Variants in TMEM132D observed in about 807,000 individuals in gnomAD.
TMEM132D encodes the protein mature OL transmembrane protein.
TMEM132D carries 21 observed loss-of-function variants against 62.3 expected under a neutral mutation model. The ratio of observed to expected loss-of-function variants is 0.34; its 90% CI spans 0.24 to 0.49. The LOEUF is 0.49. TMEM132D is among the 20% of genes least tolerant of loss of function. TMEM132D has a pLI of 0.99. For missense variants in TMEM132D, 1,346 were observed against 1,402.8 expected (o/e 0.96, Z 0.65); for synonymous variants, 621 against 575.6 (o/e 1.08, Z -1.13).
chr12:129,427,917 TTA>T (rs34092175), intron 3 of TMEM132D, among the ~76,000 whole-genome samples: 27,035 of 152,088 alleles, frequency 0.18, 2,881 homozygotes, highest in African/African-American at 0.29. Context: ...CCGAAACACC[TTA>T]TCTTATCTTA....
intron 1 of TMEM132D, among the ~76,000 whole-genome samples, chr12:129,742,669 C>A (rs1243319285): frequency 3.3e-5 from 5 of 152,208 alleles, no homozygotes; most frequent in Non-Finnish European, 7.3e-5. Flanking sequence ...ACTCACAACA[C>A]AAACACTGTG....
chr12:129,076,445 C>T (rs1803808667), intron 8 of TMEM132D, among the ~76,000 whole-genome samples: 1 of 152,108 alleles, frequency 6.6e-6, no homozygotes, highest in African/African-American at 2.4e-5. Flanking sequence ...CTGACCATGA[C>T]AGAAGTAATT....
chr12:129,577,652 TCA>T (rs771487542), intron 2 of TMEM132D, among the ~76,000 whole-genome samples: 1 of 149,818 alleles, frequency 6.7e-6, no homozygotes, highest in Non-Finnish European at 1.5e-5. Flanking sequence ...TACCTAACGT[TCA>T]GTTTTTGATA....
intron 3 of TMEM132D, among the ~76,000 whole-genome samples, chr12:129,418,010 A>G (rs1872181626): frequency 6.6e-6 from 1 of 152,246 alleles, no homozygotes; most frequent in Non-Finnish European, 1.5e-5. Flanking sequence ...CTACCATCTC[A>G]TGCCAGTTAG....
At chr12:129,543,014 A>G (rs1876624508) in intron 2 of TMEM132D, among the ~76,000 whole-genome samples, 1 of 151,914 alleles carries the variant, frequency 6.6e-6, no homozygotes, top group Non-Finnish European at 1.5e-5. Context: ...TGTTTGCAAA[A>G]TGACAATATC....
At chr12:129,335,344 G>A (rs1007621640) in intron 4 of TMEM132D, among the ~76,000 whole-genome samples, 3 of 151,792 alleles carry the variant, frequency 2.0e-5, no homozygotes, top group Admixed American at 6.6e-5. Context: ...TGCCATGTTG[G>A]TCAAGCTGGT....
At chr12:129,244,385 C>CAAAAAAAAAAAA (rs751155633) in intron 4 of TMEM132D, among the ~76,000 whole-genome samples, 20 of 85,198 alleles carry the variant, frequency 2.3e-4, no homozygotes, top group East Asian at 4.4e-4. Flanking sequence ...GACTCTGTCT[C>CAAAAAAAAAAAA]AAAAAAAAAA....
intron 5 of TMEM132D, among the ~76,000 whole-genome samples, chr12:129,147,993 G>A (rs888745129): frequency 3.9e-5 from 6 of 152,190 alleles, no homozygotes; most frequent in African/African-American, 1.4e-4. Flanking sequence ...CAGAGCCCAT[G>A]CGCTTAAACA....
intron 2 of TMEM132D, among the ~76,000 whole-genome samples, chr12:129,640,790 G>A (rs1343874168): frequency 6.6e-6 from 1 of 152,142 alleles, no homozygotes; most frequent in East Asian, 1.9e-4. Context: ...AGCTTCATCT[G>A]TATTTACAGC....
chr12:129,792,244 T>C (rs1045581796), intron 1 of TMEM132D, among the ~76,000 whole-genome samples: 1 of 152,210 alleles, frequency 6.6e-6, no homozygotes, highest in Non-Finnish European at 1.5e-5. Flanking sequence ...CAGTAGGGGA[T>C]AGTGGTTAAA....
At chr12:129,684,806 C>T (rs1452208660) in intron 2 of TMEM132D, among the ~76,000 whole-genome samples, 1 of 151,898 alleles carries the variant, frequency 6.6e-6, no homozygotes, top group Non-Finnish European at 1.5e-5. Context: ...CAGAGGTGGT[C>T]TCAGATGGAG....
At chr12:129,758,153 C>T (rs1359581049) in intron 1 of TMEM132D, among the ~76,000 whole-genome samples, 5 of 152,178 alleles carry the variant, frequency 3.3e-5, no homozygotes, top group Non-Finnish European at 5.9e-5. Flanking sequence ...GATCCTCCTG[C>T]CTCGGCTTCC....
At chr12:129,399,927 ATTTAT>A (rs1471241106) in intron 3 of TMEM132D, among the ~76,000 whole-genome samples, 2 of 151,982 alleles carry the variant, frequency 1.3e-5, no homozygotes, top group African/African-American at 4.8e-5. Context: ...TATAATGAAT[ATTTAT>A]ATTATAGAAG....
chr12:129,473,324 G>GTTTTT (rs751523415), intron 3 of TMEM132D, among the ~76,000 whole-genome samples: 2,710 of 81,098 alleles, frequency 0.033, 62 homozygotes, highest in South Asian at 0.063. Context: ...TTTAGTTTTT[G>GTTTTT]TTTTTTTTTT....
At chr12:129,494,937 A>G (rs1874905583) in intron 3 of TMEM132D, among the ~76,000 whole-genome samples, 2 of 152,192 alleles carry the variant, frequency 1.3e-5, no homozygotes, top group Non-Finnish European at 2.9e-5. Flanking sequence ...GTAATGGCAC[A>G]TGGCACATGC....
At chr12:129,543,719 G>GTTA (rs1420977727) in intron 2 of TMEM132D, among the ~76,000 whole-genome samples, 1 of 152,216 alleles carries the variant, frequency 6.6e-6, no homozygotes, top group Non-Finnish European at 1.5e-5. Flanking sequence ...TTGTAAAATA[G>GTTA]TTATAAGTTG....
intron 1 of TMEM132D, among the ~76,000 whole-genome samples, chr12:129,709,766 G>A (rs1280396378): frequency 6.6e-6 from 1 of 152,194 alleles, no homozygotes; most frequent in East Asian, 1.9e-4. Flanking sequence ...AATTATTATT[G>A]ACTGAATAAA....
At chr12:129,648,452 G>A (rs1982869) in intron 2 of TMEM132D, among the ~76,000 whole-genome samples, 35,932 of 152,026 alleles carry the variant, frequency 0.24, 4,580 homozygotes, top group Admixed American at 0.29. Flanking sequence ...ATCCTGTTTC[G>A]TGGCTCTATG....
chr12:129,759,453 G>A (rs950013762), intron 1 of TMEM132D, among the ~76,000 whole-genome samples: 5 of 152,246 alleles, frequency 3.3e-5, no homozygotes, highest in African/African-American at 9.6e-5. Context: ...CCTTACTCCC[G>A]TGGCACTACA....
Sources: allele counts gnomAD v4.1 joint callset (sites outside exome capture counted in the v4.1 genomes callset), GRCh38; gene constraint gnomAD v4.1.1; transcripts MANE v1.5; gene names NCBI Gene and HGNC (gene_info 2026-07-23, HGNC 2026-07-21).